The following KCNMA1 variants were observed in gnomAD, a reference collection of about 807,000 sequenced individuals.
KCNMA1 encodes Calcium-activated potassium channel subunit alpha-1.
In KCNMA1, 29 loss-of-function variants were observed where a neutral mutation model predicts 140.0. That is an observed-to-expected ratio of 0.21 (90% CI 0.15 to 0.28). The LOEUF (loss-of-function observed/expected upper bound fraction) is 0.28, where lower values mean the gene tolerates loss of function less well. Among genes scored for constraint, KCNMA1 ranks in the 10% least tolerant of loss-of-function variants. The pLI is 1.00. For synonymous variants in KCNMA1, 612 were observed against 611.9 expected, an observed-to-expected ratio of 1.00 and a Z score of 0.00; for missense variants, 880 against 1,602.2, an observed-to-expected ratio of 0.55 and a Z score of 7.70.
At chr10:77,443,640 A>G (rs1322856346) in intron 1 of KCNMA1, among the ~76,000 whole-genome samples, 3 of 152,172 alleles carry the variant, frequency 2.0e-5, no homozygotes, top group South Asian at 2.1e-4. Flanking sequence ...AGCTAGGTCA[A>G]CTGTGCTGTT....
At chr10:77,094,611 G>A (rs1180754121) in intron 9 of KCNMA1, among the ~76,000 whole-genome samples, 1 of 152,174 alleles carries the variant, frequency 6.6e-6, no homozygotes, top group Admixed American at 6.5e-5. Flanking sequence ...CACCGGTCAG[G>A]AACTCTAAGC....
chr10:77,596,085 A>C (rs1455720080), intron 1 of KCNMA1, among the ~76,000 whole-genome samples: 1 of 152,252 alleles, frequency 6.6e-6, no homozygotes, highest in Non-Finnish European at 1.5e-5. Context: ...ATTCACAAAC[A>C]TAAAACAAAT....
intron 14 of KCNMA1, among the ~76,000 whole-genome samples, chr10:77,072,173 T>G (rs1357423012): frequency 6.6e-6 from 1 of 152,220 alleles, no homozygotes; most frequent in African/African-American, 2.4e-5. Flanking sequence ...GCTCCTTACA[T>G]AGTAAGAGGC....
chr10:77,445,463 A>G (rs1322969783), intron 1 of KCNMA1, among the ~76,000 whole-genome samples: 2 of 152,212 alleles, frequency 1.3e-5, no homozygotes, highest in Non-Finnish European at 2.9e-5. Context: ...GATCAGAAAA[A>G]TATCAATGAA....
At chr10:77,617,900 C>A (rs1242761036) in intron 1 of KCNMA1, among the ~76,000 whole-genome samples, 15 of 151,920 alleles carry the variant, frequency 9.9e-5, no homozygotes, top group Admixed American at 9.8e-4. Flanking sequence ...CTCGGGAGCC[C>A]CTTCAGCAGT....
chr10:77,242,663 G>A (rs488900), intron 3 of KCNMA1, among the ~76,000 whole-genome samples: 62,019 of 151,830 alleles, frequency 0.41, 14,098 homozygotes, highest in East Asian at 0.78. Flanking sequence ...TAATTTAAAT[G>A]TCTTAATGGA....
chr10:77,110,440 G>C, intron 7 of KCNMA1, 97 bp from the exon 8 acceptor site: 1 of 998,852 alleles, frequency 1.0e-6, no homozygotes, highest in South Asian at 1.3e-5. Context: ...AAGGCCACTT[G>C]CTACTGCACA....
At chr10:77,308,934 C>A (rs2078537497) in intron 2 of KCNMA1, among the ~76,000 whole-genome samples, 1 of 152,160 alleles carries the variant, frequency 6.6e-6, no homozygotes, top group South Asian at 2.1e-4. Context: ...AAATGGCCGC[C>A]AAGTCAGGAT....
chr10:76,963,921 C>G (rs1290064844), intron 20 of KCNMA1, among the ~76,000 whole-genome samples: 1 of 152,024 alleles, frequency 6.6e-6, no homozygotes, highest in Non-Finnish European at 1.5e-5. Context: ...TGGATTAGGC[C>G]TTAGGTGGTC....
intron 1 of KCNMA1, among the ~76,000 whole-genome samples, chr10:77,597,011 GA>G (rs773712306): frequency 1.3e-5 from 2 of 152,156 alleles, no homozygotes; most frequent in South Asian, 2.1e-4. Flanking sequence ...AACCTTTCTG[GA>G]GCGAAATCTA....
intron 1 of KCNMA1, among the ~76,000 whole-genome samples, chr10:77,447,508 T>C (rs899523156): frequency 6.6e-6 from 1 of 152,202 alleles, no homozygotes; most frequent in Non-Finnish European, 1.5e-5. Flanking sequence ...CTGACGGAGC[T>C]CTTGCAGAGC....
At chr10:77,022,766 A>G (rs938756765) in intron 16 of KCNMA1, among the ~76,000 whole-genome samples, 1 of 152,226 alleles carries the variant, frequency 6.6e-6, no homozygotes, top group African/African-American at 2.4e-5. Context: ...AATAAGTGGA[A>G]AGGAGGTCAC....
chr10:76,999,906 C>T (rs976472267), intron 19 of KCNMA1, among the ~76,000 whole-genome samples: 6 of 152,130 alleles, frequency 3.9e-5, no homozygotes, highest in Non-Finnish European at 7.4e-5. Flanking sequence ...TCATGCTTTG[C>T]ACTTGAACTT....
At chr10:77,523,156 G>A (rs1013584856) in intron 1 of KCNMA1, among the ~76,000 whole-genome samples, 2 of 151,406 alleles carry the variant, frequency 1.3e-5, no homozygotes, top group Admixed American at 6.6e-5. Flanking sequence ...CTTCTAGACT[G>A]GGACATCCTT....
chr10:76,954,386 G>A (rs1392227991), intron 20 of KCNMA1, among the ~76,000 whole-genome samples: 1 of 152,194 alleles, frequency 6.6e-6, no homozygotes, highest in South Asian at 2.1e-4. Flanking sequence ...TGACTGACTG[G>A]CATGAGGATG....
rs199691703 is a variant in KCNMA1, at chr10:77,251,268, G to A, written c.541-12C>T. On this transcript the variant is annotated splice_polypyrimidine_tract_variant and intron_variant, in intron 2 of 27. Transcript: ENST00000286628. ...AAGACTAAGACAACCTGTAAAAGAA[G>A]AGGAGAATGCCATCACTTAAGAGTT... 5 of 1,608,176 alleles carry A rather than the reference G, an allele frequency of 3.1e-6. No homozygotes were observed. In the African/African-American group the frequency reaches 6.7e-5, roughly 22 times the overall value.
chr10:77,385,339 C>T (rs1283762166), intron 2 of KCNMA1, among the ~76,000 whole-genome samples: 1 of 152,230 alleles, frequency 6.6e-6, no homozygotes, highest in East Asian at 1.9e-4. Flanking sequence ...TTCTGACTCT[C>T]AGTGAACTTA....
chr10:77,530,292 C>A (rs2154552741), intron 1 of KCNMA1, among the ~76,000 whole-genome samples: 2 of 152,316 alleles, frequency 1.3e-5, no homozygotes, highest in South Asian at 4.1e-4. Context: ...GGGAAAGACA[C>A]AAAATGATTC....
At chr10:76,973,607 G>A (rs2076696161) in intron 19 of KCNMA1, among the ~76,000 whole-genome samples, 2 of 152,156 alleles carry the variant, frequency 1.3e-5, no homozygotes, top group Non-Finnish European at 2.9e-5. Context: ...AGATGTGGTG[G>A]TAATTCCAAC....
Sources: allele counts gnomAD v4.1 joint callset (sites outside exome capture counted in the v4.1 genomes callset), GRCh38; gene constraint gnomAD v4.1.1; transcripts MANE v1.5; gene names NCBI Gene and HGNC (gene_info 2026-07-23, HGNC 2026-07-21).